The following TPP2 variants were observed in gnomAD, a reference collection of about 807,000 sequenced individuals.
TPP2 encodes the protein tripeptidyl peptidase 2, also known as tripeptidyl-peptidase 2.
A neutral mutation model predicts 155.9 loss-of-function variants in TPP2; 34 were observed. The observed-to-expected ratio is 0.22, with a 90% confidence interval of 0.17 to 0.29. TPP2 has a LOEUF of 0.29. TPP2 is among the 10% of genes least tolerant of loss of function. The pLI is 1.00. For missense variants in TPP2, 1,028 were observed against 1,522.3 expected (o/e 0.68, Z 5.40); for synonymous variants, 510 against 529.4 (o/e 0.96, Z 0.50).
At chr13:102,621,961 C>T (rs1398532027) in intron 5 of TPP2, among the ~76,000 whole-genome samples, 1 of 152,178 alleles carries the variant, frequency 6.6e-6, no homozygotes, top group Non-Finnish European at 1.5e-5. Flanking sequence ...TCATTTTCTC[C>T]ATAAGTGTTT....
intron 16 of TPP2, 54 bp downstream of exon 16, chr13:102,640,430 C>T: frequency 1.4e-6 from 2 of 1,405,628 alleles, no homozygotes; most frequent in South Asian, 1.2e-5. Flanking sequence ...GTTCTAATGA[C>T]TATAGCTGTA....
intron 10 of TPP2, among the ~76,000 whole-genome samples, chr13:102,633,601 T>C (rs1882165691): frequency 2.0e-5 from 3 of 152,170 alleles, no homozygotes; most frequent in Admixed American, 6.5e-5. Context: ...AAGTTTCTTA[T>C]TACAGATAAG....
Position 102,623,618 on chromosome 13 carries a change from C to T in TPP2, c.784+578C>T, listed in dbSNP as rs182748117. Among the ~76,000 whole-genome samples the T allele has an allele frequency of 1.3e-4, 20 of 152,308 alleles. 1 individual carries two copies. The East Asian group carries it at 3.3e-3, about 25-fold the overall frequency. On this transcript the variant is annotated intron_variant, in intron 6 of 29. Transcript: ENST00000376052. ...ATGAACAGCAATTTTGCCTCGAAAT[C>T]TTAACTCTTGAGAAATTCACCCATG...
At chr13:102,647,441 A>T (rs1883185666) in intron 21 of TPP2, 97 bp downstream of exon 21, 2 of 1,445,848 alleles carry the variant, frequency 1.4e-6, no homozygotes, top group Non-Finnish European at 1.8e-6. Context: ...TACTTTAAAA[A>T]AAACAAAAAT....
intron 15 of TPP2, 132 bp from the exon 16 acceptor site, chr13:102,640,138 G>C (rs1882656344): frequency 1.4e-6 from 1 of 690,308 alleles, no homozygotes; most frequent in Admixed American, 3.0e-5. Flanking sequence ...CGTACCTACT[G>C]TTTTGTAACC....
chr13:102,618,431 T>C (rs761434886), intron 4 of TPP2, among the ~76,000 whole-genome samples: 4 of 152,218 alleles, frequency 2.6e-5, no homozygotes, highest in Admixed American at 6.5e-5. Context: ...CTTGGCTAAA[T>C]GGAATCACCA....
chr13:102,616,760 T>C (rs982311703), intron 4 of TPP2, among the ~76,000 whole-genome samples: 2 of 152,246 alleles, frequency 1.3e-5, no homozygotes, highest in Non-Finnish European at 2.9e-5. Context: ...CCATGAAAGC[T>C]GCACCTAGGA....
At chr13:102,678,105 G>A (rs745331928) in intron 29 of TPP2, 122 bp from the exon 30 acceptor site, 51 of 949,114 alleles carry the variant, frequency 5.4e-5, no homozygotes, top group Admixed American at 2.8e-4. Context: ...GACGGTTGGT[G>A]GAAGGAAGGT....
chr13:102,599,761 T>C (rs1879286951), intron 1 of TPP2, among the ~76,000 whole-genome samples: 1 of 152,168 alleles, frequency 6.6e-6, no homozygotes, highest in Non-Finnish European at 1.5e-5. Flanking sequence ...TTAAATGATA[T>C]AGTCTTGCAA....
At chr13:102,639,477 G>A (rs1671595897) in intron 15 of TPP2, among the ~76,000 whole-genome samples, 1 of 152,214 alleles carries the variant, frequency 6.6e-6, no homozygotes, top group Admixed American at 6.5e-5. Flanking sequence ...CAGGTAATGT[G>A]TAAGACCTTC....
Position 102,678,399 on chromosome 13 carries a change from T to A in TPP2, c.*83T>A. On this transcript the variant is annotated 3_prime_UTR_variant, in exon 30 of 30. Transcript: ENST00000376052. ...AAACAAATTTGTGGCATTTTTAGTCTAATGCATGTTTTCATCCACTATCCA... is the reference window on the plus strand; with the variant it reads ...AAACAAATTTGTGGCATTTTTAGTCAAATGCATGTTTTCATCCACTATCCA... 1.7e-6 allele frequency: 2 copies of A among 1,178,026 alleles called. No individual in the cohort carries two copies. The highest frequency in any genetic ancestry group is 2.5e-6 in the Non-Finnish European group (2 of 805,378). The allele number at this position is 1,178,026 out of a possible 1,614,324, so 73.0% of individuals were successfully genotyped here.
intron 1 of TPP2, among the ~76,000 whole-genome samples, chr13:102,602,785 TAA>T (rs1384267221): frequency 1.3e-5 from 2 of 152,228 alleles, no homozygotes; most frequent in African/African-American, 4.8e-5. Context: ...AGCTTTGTCG[TAA>T]AGAGTGTGAA....
At chr13:102,621,588 A>T (rs939680284) in intron 5 of TPP2, among the ~76,000 whole-genome samples, 1 of 152,090 alleles carries the variant, frequency 6.6e-6, no homozygotes, top group Admixed American at 6.6e-5. Flanking sequence ...AGGTGAGCAG[A>T]TGATTATTAG....
Position 102,678,470 on chromosome 13 carries a change from C to A in TPP2, c.*154C>A. ...ATGTATTTATCAGAGAATTCACTGACGTGTGGCTTAATACATGTAAATCTA... is the reference window on the plus strand; with the variant it reads ...ATGTATTTATCAGAGAATTCACTGAAGTGTGGCTTAATACATGTAAATCTA... On this transcript the variant is annotated 3_prime_UTR_variant, in exon 30 of 30. Transcript: ENST00000376052. 2 of 605,902 alleles carry A rather than the reference C, an allele frequency of 3.3e-6. No homozygotes were observed. The highest frequency in any genetic ancestry group is 5.5e-6 in the Non-Finnish European group (2 of 361,824). The allele number at this position is 605,902 out of a possible 1,614,324, so 37.5% of individuals were successfully genotyped here. A position where few individuals can be genotyped will look rare whatever the true frequency, so the allele number is the denominator to read the frequency against.
chr13:102,602,200 A>G (rs1329983875), intron 1 of TPP2, among the ~76,000 whole-genome samples: 1 of 152,188 alleles, frequency 6.6e-6, no homozygotes, highest in Non-Finnish European at 1.5e-5. Flanking sequence ...TGACCTAGCT[A>G]GTTTTAATTT....
chr13:102,667,828 G>A (rs751548071), intron 27 of TPP2: 13 of 985,636 alleles, frequency 1.3e-5, no homozygotes, highest in Non-Finnish European at 3.6e-6. Context: ...AGCATTTGCC[G>A]AGTCTGCCCT....
At chr13:102,672,412 C>T (rs1439427141) in intron 27 of TPP2, among the ~76,000 whole-genome samples, 2 of 152,100 alleles carry the variant, frequency 1.3e-5, no homozygotes, top group Non-Finnish European at 2.9e-5. Flanking sequence ...CTTTACATTC[C>T]ATTGTTATCT....
At chr13:102,667,055 A>G (rs1042125935) in intron 27 of TPP2, among the ~76,000 whole-genome samples, 1 of 152,166 alleles carries the variant, frequency 6.6e-6, no homozygotes, top group Non-Finnish European at 1.5e-5. Context: ...TTGAAATATT[A>G]TACAAGATGC....
chr13:102,600,349 A>G (rs910855644), intron 1 of TPP2, among the ~76,000 whole-genome samples: 3 of 152,056 alleles, frequency 2.0e-5, no homozygotes, highest in Admixed American at 6.6e-5. Context: ...GGGTCTTGAC[A>G]CCATTATGTT....
Sources: allele counts gnomAD v4.1 joint callset (sites outside exome capture counted in the v4.1 genomes callset), GRCh38; gene constraint gnomAD v4.1.1; transcripts MANE v1.5; gene names NCBI Gene and HGNC (gene_info 2026-07-23, HGNC 2026-07-21).